Variants in DNAJC17 observed in about 807,000 individuals in gnomAD.
DNAJC17 encodes the protein dnaJ homolog subfamily C member 17.
DNAJC17 carries 35 observed loss-of-function variants against 48.1 expected under a neutral mutation model. That is an observed-to-expected ratio of 0.73 (90% CI 0.56 to 0.96). The LOEUF is 0.96. DNAJC17 is among the 50% of genes least tolerant of loss of function. The probability of loss-of-function intolerance (pLI) is 0.00; values close to 1 mark genes in which losing one functional copy is unlikely to be tolerated. For missense variants in DNAJC17, 355 were observed against 377.1 expected, an observed-to-expected ratio of 0.94 and a Z score of 0.48; for synonymous variants, 117 against 142.7, an observed-to-expected ratio of 0.82 and a Z score of 1.28.
In DNAJC17 at chr15:40,767,445, C is replaced by A; in HGVS notation, c.*495G>T. Reference sequence around the variant, plus strand: ...CTGCCTCACCGTCTGCCTTGCTCCTCTCTTCCCAAATCATCACCGCCATGG... The same window carrying A: ...CTGCCTCACCGTCTGCCTTGCTCCTATCTTCCCAAATCATCACCGCCATGG... On this transcript the variant is annotated 3_prime_UTR_variant, in exon 11 of 11. Transcript: ENST00000220496. 1 of 1,369,528 alleles carries A rather than the reference C, an allele frequency of 7.3e-7. No homozygotes were observed. The highest frequency in any genetic ancestry group is 9.8e-7 in the Non-Finnish European group (1 of 1,019,430). 84.8% of individuals were successfully genotyped at this position (1,369,528 alleles called of 1,614,324 possible). A position where few individuals can be genotyped will look rare whatever the true frequency, so the allele number is the denominator to read the frequency against.
chr15:40,784,147 C>T (rs750187535), intron 1 of DNAJC17, among the ~76,000 whole-genome samples: 7 of 151,730 alleles, frequency 4.6e-5, no homozygotes, highest in African/African-American at 1.7e-4. Context: ...ACCTGGGAGG[C>T]GGAGGTTGCA....
At chr15:40,807,259 G>C (rs1184486189) in intron 1 of DNAJC17, 110 bp downstream of exon 1, 1 of 1,595,402 alleles carries the variant, frequency 6.3e-7, no homozygotes, top group South Asian at 1.1e-5. Flanking sequence ...CTCGCTCCCC[G>C]CCCAGGACCC....
chr15:40,771,215 G>A, intron 10 of DNAJC17: 1 of 632,512 alleles, frequency 1.6e-6, no homozygotes, highest in Non-Finnish European at 2.8e-6. Flanking sequence ...AGTCCTTCCA[G>A]GCACCCCAGA....
intron 1 of DNAJC17, among the ~76,000 whole-genome samples, chr15:40,802,891 C>T (rs972719406): frequency 2.0e-5 from 3 of 152,040 alleles, no homozygotes; most frequent in Non-Finnish European, 4.4e-5. Flanking sequence ...ACTGCTTGAA[C>T]CCAGGAGTTC....
intron 1 of DNAJC17, among the ~76,000 whole-genome samples, chr15:40,795,551 G>A (rs527782273): frequency 2.6e-5 from 4 of 152,214 alleles, no homozygotes. Context: ...TGGAGAAAAG[G>A]AAGGGAAATG....
At chr15:40,786,451 C>G (rs1296064524) in intron 1 of DNAJC17, among the ~76,000 whole-genome samples, 11 of 152,136 alleles carry the variant, frequency 7.2e-5, no homozygotes, top group Non-Finnish European at 1.5e-4. Flanking sequence ...ATCGCTTGAG[C>G]CCAGGAGTTT....
intron 8 of DNAJC17, among the ~76,000 whole-genome samples, chr15:40,774,805 C>T (rs899182913): frequency 2.6e-5 from 4 of 152,116 alleles, no homozygotes; most frequent in African/African-American, 9.7e-5. Context: ...AGGGTTAGAC[C>T]GAGGTAGCAA....
chr15:40,786,200 G>A (rs553405108), intron 1 of DNAJC17, among the ~76,000 whole-genome samples: 52 of 152,186 alleles, frequency 3.4e-4, no homozygotes, highest in Non-Finnish European at 6.8e-4. Flanking sequence ...GCTAGATTCA[G>A]GGTAAAAATG....
In DNAJC17 at chr15:40,765,788, T is replaced by A. The variant is rs547975085; in HGVS notation, c.*2152A>T. 12 of 1,120,058 alleles carry A rather than the reference T, an allele frequency of 1.1e-5. No individual in the cohort carries two copies. The highest frequency in any genetic ancestry group is 1.3e-5 in the Non-Finnish European group (10 of 771,546). The allele number at this position is 1,120,058 out of a possible 1,614,324, so 69.4% of individuals were successfully genotyped here. On this transcript the variant is annotated 3_prime_UTR_variant, in exon 11 of 11. Coordinates refer to ENST00000220496, the MANE Select transcript of DNAJC17 (RefSeq NM_018163.3). ...ACAGGCAAGACCTTCCACCTCCTCC[T>A]GGCAGCCAGCCAAGCAGCCACTGTG...
intron 10 of DNAJC17, among the ~76,000 whole-genome samples, chr15:40,773,401 C>T (rs1310110687): frequency 1.3e-5 from 2 of 152,118 alleles, no homozygotes; most frequent in Admixed American, 6.5e-5. Context: ...AGCACTGGGT[C>T]GTCTAAGCTC....
intron 10 of DNAJC17, chr15:40,771,025 T>A: frequency 6.5e-7 from 1 of 1,550,144 alleles, no homozygotes; most frequent in Non-Finnish European, 8.7e-7. Context: ...AGCTTCTAAA[T>A]GGGGTGAGGG....
chr15:40,778,233 G>A (rs2141950911), intron 4 of DNAJC17, among the ~76,000 whole-genome samples: 1 of 151,756 alleles, frequency 6.6e-6, no homozygotes, highest in Middle Eastern at 3.4e-3. Context: ...CAGAAATGGT[G>A]AATACAAGCA....
At chr15:40,780,099 G>A (rs1353089206) in intron 1 of DNAJC17, 102 bp from the exon 2 acceptor site, 1 of 1,175,352 alleles carries the variant, frequency 8.5e-7, no homozygotes, top group Non-Finnish European at 1.2e-6. Flanking sequence ...ACACCTAAAA[G>A]AGAAGCTGCT....
chr15:40,773,275 A>G (rs1218812144), intron 10 of DNAJC17, among the ~76,000 whole-genome samples: 5 of 151,974 alleles, frequency 3.3e-5, no homozygotes, highest in Non-Finnish European at 7.4e-5. Flanking sequence ...GGGTTACTTC[A>G]AGAGGAGATA....
At chr15:40,768,088 G>A in intron 10 of DNAJC17, 26 bp from the exon 11 acceptor site, 6 of 1,523,632 alleles carry the variant, frequency 3.9e-6, no homozygotes, top group South Asian at 1.3e-5. Flanking sequence ...GGGACAGGGA[G>A]GGGTCAGGGA....
At chr15:40,771,184 C>A in intron 10 of DNAJC17, 1 of 711,574 alleles carries the variant, frequency 1.4e-6, no homozygotes, top group Non-Finnish European at 2.4e-6. Flanking sequence ...CAGGGCTCTG[C>A]CTGCTCTCTG....
intron 1 of DNAJC17, chr15:40,780,642 C>T (rs1889458891): frequency 3.2e-6 from 1 of 314,506 alleles, no homozygotes; most frequent in African/African-American, 2.2e-5. Flanking sequence ...AGTGAAACTC[C>T]ATCTCTACTA....
At chr15:40,791,422 G>C (rs1158796145) in intron 1 of DNAJC17, among the ~76,000 whole-genome samples, 1 of 152,032 alleles carries the variant, frequency 6.6e-6, no homozygotes, top group Admixed American at 6.6e-5. Context: ...CAGCTACTCG[G>C]GAGGCTGAGG....
Position 40,770,881 on chromosome 15 carries a change from T to TGGACACTCCCTGCTTCCAGA in DNAJC17, c.792+2826_793-2820dup. The stretch of plus-strand genomic sequence containing the variant: ...CACCAGCACTCAGAGAAGGGCCTTG[T>TGGACACTCCCTGCTTCCAGA]GGACACTCCCTGCTTCCAGAGGACA... On this transcript the variant is annotated intron_variant, in intron 10 of 10. Transcript: ENST00000220496. This position sits in a 1 kb window ranked among gnomAD's most constrained non-coding sequence, Gnocchi z 5.0. The TGGACACTCCCTGCTTCCAGA allele has an allele frequency of 6.4e-7, 1 of 1,551,560 alleles. No homozygotes were observed. Among genetic ancestry groups the TGGACACTCCCTGCTTCCAGA allele is most frequent in the Non-Finnish European group, 8.7e-7 (1 of 1,147,010 alleles).
Sources: allele counts gnomAD v4.1 joint callset (sites outside exome capture counted in the v4.1 genomes callset), GRCh38; gene constraint gnomAD v4.1.1; non-coding constraint Gnocchi (gnomAD v3.1); transcripts MANE v1.5; gene names NCBI Gene and HGNC (gene_info 2026-07-23, HGNC 2026-07-21).